MED20: variants seen among roughly 807,000 people sequenced by gnomAD.
MED20 encodes mediator complex subunit 20, also known as mediator of RNA polymerase II transcription subunit 20.
MED20 carries 19 observed loss-of-function variants against 19.7 expected under a neutral mutation model. That is an observed-to-expected ratio of 0.96 (90% CI 0.67 to 1.42). The LOEUF (loss-of-function observed/expected upper bound fraction) is 1.42. Ranked by LOEUF, MED20 falls within the 40% of genes most tolerant of loss-of-function variation. The pLI is 0.00. For synonymous variants in MED20, 105 were observed against 104.8 expected (o/e 1.00, Z -0.01); for missense variants, 225 against 273.0 (o/e 0.82, Z 1.24).
In MED20 at chr6:41,909,512, C is replaced by T; in HGVS notation, c.180G>A (p.Gly60=). 6.2e-7 allele frequency: 1 copy of T among 1,614,120 alleles called. No homozygotes were observed. ...AGTTGTGCATCACATACATCAGCTTCCCGGTCTGACCTGCAAGGGACAGAG... is the reference window on the plus strand; with the variant it reads ...AGTTGTGCATCACATACATCAGCTTTCCGGTCTGACCTGCAAGGGACAGAG... ...ASTLGSQGQT[G]KLMYVMHNSE... The change falls in exon 3 of 4, where the codon GGG becomes GGA. Residue 60 remains glycine, a synonymous_variant. Coordinates refer to ENST00000265350, the MANE Select transcript of MED20 (RefSeq NM_004275.5).
At position 41,907,285 on chromosome 6, in the gene MED20, C is replaced by T. The variant is rs750699159; in HGVS notation, c.426G>A (p.Val142=). 5 of 1,610,064 alleles carry T rather than the reference C, an allele frequency of 3.1e-6. No individual in the cohort carries two copies. The South Asian group carries it at 4.4e-5, about 14-fold the overall frequency. Residue 142 remains valine (V), a splice_region_variant and synonymous_variant, in exon 4 of 4, where the codon GTG becomes GTA. Coordinates refer to ENST00000265350, the MANE Select transcript of MED20 (RefSeq NM_004275.5). ...GPSARGISVE[V]EYGPCVVASD... ...TAGCTACCACACAGGGGCCATACTC[C>T]ACCTGGGAACCAAAAGCACAGAGAA...
intron 2 of MED20, among the ~76,000 whole-genome samples, chr6:41,912,598 C>T (rs908887741): frequency 3.9e-5 from 6 of 152,052 alleles, no homozygotes; most frequent in Non-Finnish European, 8.8e-5. Context: ...CTCAGGTGAT[C>T]TGCCCGCCTC....
Position 41,906,835 on chromosome 6 carries a change from G to A in MED20, c.*237C>T, listed in dbSNP as rs992490455. 6 of 527,202 alleles carry A rather than the reference G, an allele frequency of 1.1e-5. No individual in the cohort carries two copies. Among genetic ancestry groups the A allele is most frequent in the Non-Finnish European group, 2.0e-5 (6 of 293,128 alleles). 32.7% of individuals were successfully genotyped at this position (527,202 alleles called of 1,614,324 possible). A position where few individuals can be genotyped will look rare whatever the true frequency, so the allele number is the denominator to read the frequency against. The stretch of plus-strand genomic sequence containing the variant: ...CACTCTTCATAATTACCATTCTTGA[G>A]GACAGGCCAAATCCAGTAAGGCACG... On this transcript the variant is annotated 3_prime_UTR_variant, in exon 4 of 4. Coordinates refer to ENST00000265350, the MANE Select transcript of MED20 (RefSeq NM_004275.5).
intron 2 of MED20, 101 bp from the exon 3 acceptor site, chr6:41,909,623 G>C (rs757532285): frequency 1.1e-4 from 164 of 1,518,990 alleles, no homozygotes; most frequent in Non-Finnish European, 1.5e-4. Context: ...ACAGCAATCT[G>C]GCACTACCTC....
chr6:41,920,788 C>A lies in MED20; in HGVS notation c.14+217G>T, dbSNP rs562684360. ...CCGTCTTAAAAAAAACAAAACAAAA[C>A]AAAAAAAAAACCTTTGCTTTCCCGC... is the stretch of plus-strand genomic sequence containing the variant. On this transcript the variant is annotated intron_variant, in intron 1 of 3. Coordinates refer to ENST00000265350, the MANE Select transcript of MED20 (RefSeq NM_004275.5). 1,043 of 454,870 alleles carry A rather than the reference C, an allele frequency of 2.3e-3. 8 individuals carry two copies. The East Asian group carries it at 0.031, about 13-fold the overall frequency. 28.2% of individuals were successfully genotyped at this position (454,870 alleles called of 1,614,324 possible).
At chr6:41,920,880 C>G (rs907192622) in intron 1 of MED20, 125 bp downstream of exon 1, 47 of 1,234,362 alleles carry the variant, frequency 3.8e-5, no homozygotes, top group Non-Finnish European at 5.0e-5. Context: ...GGACGGCATC[C>G]TCTCATCTAC....
rs765965809 is a variant in MED20, at chr6:41,916,893, C to T, written c.61G>A (p.Val21Ile). The change falls in exon 2 of 4, where the codon GTA (valine) becomes ATA (isoleucine). Residue 21 changes from valine to isoleucine, a missense_variant. Physicochemically the swap from Val to Ile is conservative, Grantham distance 29. Coordinates refer to ENST00000265350, the MANE Select transcript of MED20 (RefSeq NM_004275.5). Reference sequence around the variant, plus strand: ...TCCAATTTCCGGGTAAGGAGCTCTACGGTTTGCTGAACACTCTTGCCCTCG... The same window carrying T: ...TCCAATTTCCGGGTAAGGAGCTCTATGGTTTGCTGAACACTCTTGCCCTCG... ...VAEGKSVQQT[V>I]ELLTRKLEML... is the part of the protein sequence containing the mutation. 30 of 1,613,940 alleles carry T rather than the reference C, an allele frequency of 1.9e-5. No homozygotes were observed. Among genetic ancestry groups the T allele is most frequent in the East Asian group, 4.5e-5 (2 of 44,876 alleles).
At position 41,918,920 on chromosome 6, in the gene MED20, G is replaced by A. The variant is rs540267725; in HGVS notation, c.15-1981C>T. 4.1e-4 allele frequency among the ~76,000 whole-genome samples: 55 copies of A among 134,752 alleles called. 1 individual carries two copies. Among genetic ancestry groups the A allele is most frequent in the South Asian group, 7.4e-4 (3 of 4,046 alleles). 88.4% of individuals were successfully genotyped at this position (134,752 alleles called of 152,430 possible). On this transcript the variant is annotated intron_variant, in intron 1 of 3. Transcript: ENST00000265350. The stretch of plus-strand genomic sequence containing the variant: ...CGAGATTGCGCCACTGCAGTCCGCA[G>A]TCCGGCCTGGGCGACAGAGCGAGAC...
chr6:41,907,173 G>T lies in MED20; in HGVS notation c.538C>A (p.His180Asn). 6.2e-7 allele frequency: 1 copy of T among 1,614,066 alleles called. No individual in the cohort carries two copies. The highest frequency in any genetic ancestry group is 8.5e-7 in the Non-Finnish European group (1 of 1,180,018). The change falls in exon 4 of 4, where the codon CAT becomes AAT. Residue 180 changes from histidine to asparagine, a missense_variant. Coordinates refer to ENST00000265350, the MANE Select transcript of MED20 (RefSeq NM_004275.5). ...TCTGCTGGGCCGTAGACCGCATCAT[G>T]TCTGTTCCCAAACACTGCGGGAGCC... ...PGAPAVFGNR[H>N]DAVYGPADTM...
At chr6:41,911,581 A>G (rs1775196236) in intron 2 of MED20, among the ~76,000 whole-genome samples, 2 of 152,230 alleles carry the variant, frequency 1.3e-5, no homozygotes, top group South Asian at 4.1e-4. Context: ...TCAGCAGGAA[A>G]AAAAAGTAGG....
At chr6:41,916,736 C>G in intron 2 of MED20, 49 bp downstream of exon 2, 1 of 1,603,550 alleles carries the variant, frequency 6.2e-7, no homozygotes, top group Non-Finnish European at 8.5e-7. Context: ...TCAAATGTCT[C>G]TTAACTCCAA....
chr6:41,910,156 T>C (rs1353310893), intron 2 of MED20, among the ~76,000 whole-genome samples: 2 of 152,190 alleles, frequency 1.3e-5, no homozygotes, highest in African/African-American at 2.4e-5. Flanking sequence ...TTTAGAAGTC[T>C]AGCCAACTTG....
At chr6:41,915,789 A>AACACACACACACACACACACACAC (rs34924867) in intron 2 of MED20, among the ~76,000 whole-genome samples, 14,506 of 148,444 alleles carry the variant, frequency 0.098, 816 homozygotes, top group East Asian at 0.18. Context: ...TCCGTCTCAA[A>AACACACACACACACACACACACAC]ACACACACAC....
chr6:41,911,501 C>T (rs1045041385), intron 2 of MED20, among the ~76,000 whole-genome samples: 4 of 151,756 alleles, frequency 2.6e-5, no homozygotes, highest in African/African-American at 9.7e-5. Flanking sequence ...CAAGTTATTA[C>T]CGAGGAAAGA....
rs548291543 is a variant in MED20, at chr6:41,906,430, C to T, written c.*642G>A. The T allele has an allele frequency of 3.3e-5, 5 of 152,356 alleles. No homozygotes were observed. The highest frequency in any genetic ancestry group is 7.2e-5 in the African/African-American group (3 of 41,544). The allele number at this position is 152,356 out of a possible 1,614,324, so 9.4% of individuals were successfully genotyped here. A position where few individuals can be genotyped will look rare whatever the true frequency, so the allele number is the denominator to read the frequency against. On this transcript the variant is annotated 3_prime_UTR_variant, in exon 4 of 4. Coordinates refer to ENST00000265350, the MANE Select transcript of MED20 (RefSeq NM_004275.5). ...TATTAGGTGAGAAAAAAACAAACTT[C>T]GATCTTATAGCAGTTTGGCCTGTGG...
Position 41,907,418 on chromosome 6 carries a change from T to C in MED20, c.424-131A>G, listed in dbSNP as rs1029007887. 1.4e-5 allele frequency: 11 copies of C among 793,104 alleles called. No individual in the cohort carries two copies. In the African/African-American group the frequency reaches 1.6e-4, roughly 11 times the overall value. The allele number at this position is 793,104 out of a possible 1,614,324, so 49.1% of individuals were successfully genotyped here. A position where few individuals can be genotyped will look rare whatever the true frequency, so the allele number is the denominator to read the frequency against. ...AAGACACACACCTCCTAGCACAGTA[T>C]TGGTCCACAGGAAACATTCAACCTA... On this transcript the variant is annotated intron_variant, in intron 3 of 3. Coordinates refer to ENST00000265350, the MANE Select transcript of MED20 (RefSeq NM_004275.5).
intron 2 of MED20, 126 bp from the exon 3 acceptor site, chr6:41,909,648 G>A: frequency 1.5e-6 from 2 of 1,355,304 alleles, no homozygotes; most frequent in South Asian, 1.4e-5. Context: ...GTTCTTGGTT[G>A]GGGGTGAGGG....
At chr6:41,911,656 C>T (rs969988081) in intron 2 of MED20, among the ~76,000 whole-genome samples, 5 of 152,052 alleles carry the variant, frequency 3.3e-5, no homozygotes, top group Non-Finnish European at 5.9e-5. Flanking sequence ...ACATTCTAGA[C>T]GGGGGTAAGA....
intron 2 of MED20, among the ~76,000 whole-genome samples, chr6:41,910,136 T>C (rs1775155386): frequency 1.3e-5 from 2 of 151,968 alleles, no homozygotes; most frequent in Non-Finnish European, 2.9e-5. Context: ...TGGCAAACCG[T>C]TGGAGAATTT....
Sources: allele counts gnomAD v4.1 joint callset (sites outside exome capture counted in the v4.1 genomes callset), GRCh38; gene constraint gnomAD v4.1.1; transcripts MANE v1.5; gene names NCBI Gene and HGNC (gene_info 2026-07-23, HGNC 2026-07-21).